Variants in SCAP observed in about 807,000 individuals in gnomAD.
The protein encoded by SCAP is sterol regulatory element-binding protein cleavage-activating protein.
Under a neutral mutation model 123.6 loss-of-function variants are expected in SCAP, and 65 were observed. The ratio of observed to expected loss-of-function variants is 0.53; its 90% confidence interval spans 0.43 to 0.65. The LOEUF (loss-of-function observed/expected upper bound fraction) is 0.65. Among genes scored for constraint, SCAP ranks in the 30% least tolerant of loss-of-function variants. SCAP has a pLI of 0.00. For missense variants in SCAP, 1,398 were observed against 1,712.5 expected, an observed-to-expected ratio of 0.82 and a Z score of 3.24; for synonymous variants, 740 against 726.3, an observed-to-expected ratio of 1.02 and a Z score of -0.30.
chr3:47,430,766 C>A (rs568830654), intron 3 of SCAP, among the ~76,000 whole-genome samples: 1 of 152,132 alleles, frequency 6.6e-6, no homozygotes, highest in Non-Finnish European at 1.5e-5. Context: ...CGGTGTACTG[C>A]GAGGTGTGGA....
intron 1 of SCAP, among the ~76,000 whole-genome samples, chr3:47,453,231 G>T (rs1707289271): frequency 6.6e-6 from 1 of 152,052 alleles, no homozygotes; most frequent in South Asian, 2.1e-4. Context: ...GGTCAGCATG[G>T]ACAGCTTCCT....
At chr3:47,456,939 C>A (rs1163536328) in intron 1 of SCAP, among the ~76,000 whole-genome samples, 1 of 152,164 alleles carries the variant, frequency 6.6e-6, no homozygotes, top group Non-Finnish European at 1.5e-5. Context: ...ACAATCCCAG[C>A]ACTTTGGGAG....
intron 1 of SCAP, among the ~76,000 whole-genome samples, chr3:47,466,868 G>C (rs1369629657): frequency 6.6e-6 from 1 of 152,116 alleles, no homozygotes; most frequent in Admixed American, 6.5e-5. Flanking sequence ...CGGACTGCTT[G>C]AGCTCAGAAG....
chr3:47,418,871 C>CG (rs777597143), intron 13 of SCAP, 28 bp from the exon 14 acceptor site: 5 of 1,491,566 alleles, frequency 3.4e-6, no homozygotes, highest in African/African-American at 2.8e-5. Context: ...GCAGCCTCAG[C>CG]GGGGGGCCTC....
At chr3:47,448,162 T>C (rs1289252108) in intron 1 of SCAP, among the ~76,000 whole-genome samples, 2 of 152,212 alleles carry the variant, frequency 1.3e-5, no homozygotes, top group African/African-American at 2.4e-5. Flanking sequence ...ATTTCTTTCA[T>C]CAGCATTGTA....
intron 1 of SCAP, among the ~76,000 whole-genome samples, chr3:47,462,066 G>A (rs9843160): frequency 1.3e-5 from 2 of 151,982 alleles, no homozygotes; most frequent in African/African-American, 4.8e-5. Context: ...AGATTTAAAT[G>A]TTTACTATAA....
chr3:47,474,062 G>T (rs1294376896), intron 1 of SCAP, among the ~76,000 whole-genome samples: 1 of 152,032 alleles, frequency 6.6e-6, no homozygotes, highest in Non-Finnish European at 1.5e-5. Context: ...TCAGGAGATA[G>T]AGACGATCCT....
At chr3:47,467,223 G>T (rs2108017945) in intron 1 of SCAP, among the ~76,000 whole-genome samples, 1 of 152,114 alleles carries the variant, frequency 6.6e-6, no homozygotes, top group South Asian at 2.1e-4. Context: ...TCCAGAATTT[G>T]TAAAGAATTC....
rs750837437 is a variant in SCAP at position 47,414,227 on chromosome 3, T to C, written c.3547A>G (p.Ser1183Gly). ...ATGCCTGTGCTGCGGTCCCAGATGC[T>C]GATGAGGTCATCCAGGCCACTGCTG... ...VISSGLDDLI[S>G]IWDRSTGIKF... is the part of the protein sequence containing the mutation. Residue 1183 changes from serine to glycine, a missense_variant, in exon 22 of 23, where the codon AGC becomes GGC. Physicochemically the swap from Ser to Gly is moderately conservative, Grantham distance 56. Transcript: ENST00000265565. The C allele has an allele frequency of 6.2e-7, 1 of 1,613,614 alleles. No individual in the cohort carries two copies. Among genetic ancestry groups the C allele is most frequent in the African/African-American group, 1.3e-5 (1 of 74,926 alleles).
chr3:47,431,973 T>C (rs2107847206), intron 3 of SCAP, among the ~76,000 whole-genome samples: 1 of 152,294 alleles, frequency 6.6e-6, no homozygotes, highest in East Asian at 1.9e-4. Context: ...TCACAGAGAA[T>C]TATTTTATAT....
chr3:47,438,899 T>TTA (rs1252717476), intron 2 of SCAP, among the ~76,000 whole-genome samples: 1 of 152,072 alleles, frequency 6.6e-6, no homozygotes, highest in East Asian at 1.9e-4. Flanking sequence ...TGTTCTATGT[T>TTA]TAGACTATAC....
At chr3:47,431,502 G>A (rs1297879539) in intron 3 of SCAP, among the ~76,000 whole-genome samples, 1 of 151,936 alleles carries the variant, frequency 6.6e-6, no homozygotes, top group Admixed American at 6.6e-5. Flanking sequence ...TTTAGCTGTA[G>A]TGTCTGAGGC....
chr3:47,446,451 G>A (rs1707045828), intron 1 of SCAP, among the ~76,000 whole-genome samples: 1 of 152,132 alleles, frequency 6.6e-6, no homozygotes, highest in African/African-American at 2.4e-5. Context: ...GATTACAGGC[G>A]TGAGCCACCG....
At chr3:47,471,736 G>C (rs972887115) in intron 1 of SCAP, among the ~76,000 whole-genome samples, 6 of 152,088 alleles carry the variant, frequency 3.9e-5, no homozygotes, top group Non-Finnish European at 7.4e-5. Context: ...GTTCCCAAAT[G>C]TTTTGATCAT....
In SCAP at chr3:47,417,294, C is replaced by G; in HGVS notation, c.2970+10G>C. On this transcript the variant is annotated intron_variant, in intron 17 of 22. Transcript: ENST00000265565. ...CAGCCGCTCTGCCCACCTTTAGCCC[C>G]TCTGCCCACCTCCAGCCGGCCGCTG... The G allele has an allele frequency of 6.2e-7, 1 of 1,612,138 alleles. No individual in the cohort carries two copies. The highest frequency in any genetic ancestry group is 8.5e-7 in the Non-Finnish European group (1 of 1,179,722).
At chr3:47,427,047 C>G (rs1038700186) in intron 6 of SCAP, 110 bp downstream of exon 6, 20 of 749,130 alleles carry the variant, frequency 2.7e-5, no homozygotes, top group African/African-American at 2.4e-4. Context: ...CCTGGAAACT[C>G]TCCCAAGTTT....
Position 47,427,204 on chromosome 3 carries a change from C to A in SCAP, c.690G>T (p.Arg230Ser). 1 of 1,613,894 alleles carries A rather than the reference C, an allele frequency of 6.2e-7. No homozygotes were observed. Among genetic ancestry groups the A allele is most frequent in the African/African-American group, 1.3e-5 (1 of 74,966 alleles). The change falls in exon 6 of 23, where the codon AGG becomes AGT. Residue 230 changes from arginine (R) to serine (S), a missense_variant. Physicochemically the swap from Arg to Ser is moderately radical, Grantham distance 110 (BLOSUM62 -1). Coordinates refer to ENST00000265565, the MANE Select transcript of SCAP (RefSeq NM_012235.4). Reference protein sequence around the residue: ...YSGVSLYTRKRMVSYTITLVF... With the variant: ...YSGVSLYTRKSMVSYTITLVF... ...CCAGGGTGATGGTGTAGGAGACCAT[C>A]CTCTTCCTGGTGTAGAGGCTCACCC...
Position 47,425,564 on chromosome 3 carries a change from C to A in SCAP, c.958G>T (p.Val320Leu). 6.2e-7 allele frequency: 1 copy of A among 1,614,138 alleles called. No individual in the cohort carries two copies. Among genetic ancestry groups the A allele is most frequent in the Non-Finnish European group, 8.5e-7 (1 of 1,180,046 alleles). ...KSKWGLALAA[V>L]VTVLSSLLMS... ...AGCAGCGAGCTGAGCACTGTGACCA[C>A]GGCAGCCAGGGCCAGCCCCCACTTG... Residue 320 changes from valine to leucine, a missense_variant, in exon 8 of 23, where the codon GTG becomes TTG. This residue lies in a region of SCAP where 319 missense variants were observed against 432.4 expected (regional missense o/e 0.74). Transcript: ENST00000265565.
At chr3:47,459,298 T>C (rs1707540449) in intron 1 of SCAP, among the ~76,000 whole-genome samples, 1 of 152,174 alleles carries the variant, frequency 6.6e-6, no homozygotes, top group African/African-American at 2.4e-5. Flanking sequence ...TAAACACCCT[T>C]TGCCTGATTT....
Sources: gnomAD v4.1 joint callset for allele counts (sites outside exome capture counted in the v4.1 genomes callset) on GRCh38, gnomAD v4.1.1 for gene constraint, gnomAD v4.1.1 regional missense constraint, MANE v1.5 for transcripts, NCBI Gene and HGNC (gene_info 2026-07-23, HGNC 2026-07-21) for gene names.